Variants in EPHB1 observed in about 807,000 individuals in gnomAD.
The protein encoded by EPHB1 is ephrin type-B receptor 1.
Under a neutral mutation model 94.4 loss-of-function variants are expected in EPHB1, and 30 were observed. The ratio of observed to expected loss-of-function variants is 0.32; its 90% CI spans 0.24 to 0.43. The LOEUF is 0.43. Among genes scored for constraint, EPHB1 ranks in the 20% least tolerant of loss-of-function variants. EPHB1 has a pLI of 1.00. For missense variants in EPHB1, 1,055 were observed against 1,308.3 expected, an observed-to-expected ratio of 0.81 and a Z score of 2.99; for synonymous variants, 522 against 489.1, an observed-to-expected ratio of 1.07 and a Z score of -0.89.
At chr3:135,167,121 C>A in intron 9 of EPHB1, 115 bp downstream of exon 9, 1 of 1,249,762 alleles carries the variant, frequency 8.0e-7, no homozygotes. Flanking sequence ...CAAGTTCTCT[C>A]TCAGCCCCCA....
At chr3:134,912,793 G>A (rs2038481112) in intron 1 of EPHB1, among the ~76,000 whole-genome samples, 3 of 152,332 alleles carry the variant, frequency 2.0e-5, no homozygotes, top group Admixed American at 6.5e-5. Context: ...GTTTGATGCT[G>A]GAGAGGTCTT....
intron 11 of EPHB1, among the ~76,000 whole-genome samples, chr3:135,195,951 A>G (rs1462436209): frequency 7.6e-6 from 1 of 130,902 alleles, no homozygotes. Context: ...AGTCCCACCA[A>G]CAGTGTAAAA....
chr3:135,090,545 C>T (rs1269301670), intron 3 of EPHB1, among the ~76,000 whole-genome samples: 1 of 152,218 alleles, frequency 6.6e-6, no homozygotes, highest in Non-Finnish European at 1.5e-5. Flanking sequence ...CATCCACTAT[C>T]ACTGCAATTT....
intron 1 of EPHB1, among the ~76,000 whole-genome samples, chr3:134,813,223 A>G (rs1361246651): frequency 1.3e-5 from 2 of 152,190 alleles, no homozygotes; most frequent in Admixed American, 6.5e-5. Flanking sequence ...GCAGGAAGCC[A>G]TAATTCACAT....
At chr3:134,861,032 G>A (rs971071519) in intron 1 of EPHB1, among the ~76,000 whole-genome samples, 12 of 152,166 alleles carry the variant, frequency 7.9e-5, no homozygotes, top group Non-Finnish European at 1.5e-4. Flanking sequence ...GATGCAGTGA[G>A]TGGAAGAGTA....
chr3:134,891,201 C>G (rs575442842), intron 1 of EPHB1, among the ~76,000 whole-genome samples: 5 of 152,260 alleles, frequency 3.3e-5, no homozygotes, highest in Admixed American at 1.3e-4. Context: ...CACCTGCCTC[C>G]TAGGCTCAAG....
intron 1 of EPHB1, among the ~76,000 whole-genome samples, chr3:134,919,839 GGGGTGTGTGTGT>G (rs905270455): frequency 7.3e-6 from 1 of 137,006 alleles, no homozygotes; most frequent in African/African-American, 2.7e-5. Flanking sequence ...TCTTAGGGCA[GGGGTGTGTGTGT>G]GTGTGTGTGT....
At chr3:135,258,404 C>T (rs747317459) in intron 15 of EPHB1, among the ~76,000 whole-genome samples, 1 of 152,198 alleles carries the variant, frequency 6.6e-6, no homozygotes, top group Non-Finnish European at 1.5e-5. Flanking sequence ...CACAGGTCAA[C>T]TATAAGCCAT....
At chr3:135,222,463 A>G (rs1228798776) in intron 12 of EPHB1, among the ~76,000 whole-genome samples, 1 of 152,170 alleles carries the variant, frequency 6.6e-6, no homozygotes, top group Non-Finnish European at 1.5e-5. Context: ...TTTTGAAGCA[A>G]ATAGGGGCAC....
chr3:134,892,628 T>A (rs1322720662), intron 1 of EPHB1, among the ~76,000 whole-genome samples: 1 of 152,128 alleles, frequency 6.6e-6, no homozygotes, highest in Non-Finnish European at 1.5e-5. Context: ...GAAAATGGGA[T>A]CTCTCTTGGT....
At chr3:135,228,406 T>C (rs1386082412) in intron 12 of EPHB1, among the ~76,000 whole-genome samples, 1 of 152,174 alleles carries the variant, frequency 6.6e-6, no homozygotes, top group African/African-American at 2.4e-5. Flanking sequence ...CTTTGTGTGA[T>C]GTTAACTTGT....
At chr3:135,141,228 A>T (rs1940816773) in intron 5 of EPHB1, among the ~76,000 whole-genome samples, 1 of 148,796 alleles carries the variant, frequency 6.7e-6, no homozygotes, top group Admixed American at 6.8e-5. Context: ...ACAACAGCCC[A>T]GTCATGCCCC....
At chr3:135,231,015 G>A (rs565917369) in intron 12 of EPHB1, among the ~76,000 whole-genome samples, 1 of 152,264 alleles carries the variant, frequency 6.6e-6, no homozygotes, top group South Asian at 2.1e-4. Flanking sequence ...GTCATGAATA[G>A]CGAGGCGATG....
chr3:135,108,002 C>T (rs1199411402), intron 4 of EPHB1, among the ~76,000 whole-genome samples: 1 of 152,160 alleles, frequency 6.6e-6, no homozygotes, highest in Non-Finnish European at 1.5e-5. Context: ...CTTTAGAAAT[C>T]ACTTAAGGAT....
chr3:134,970,018 G>A (rs55865310), intron 3 of EPHB1, among the ~76,000 whole-genome samples: 2,405 of 152,234 alleles, frequency 0.016, 38 homozygotes, highest in Non-Finnish European at 0.024. Context: ...TCCTTTTGTC[G>A]AATATGTGAT....
chr3:134,819,603 T>A (rs1340680626), intron 1 of EPHB1, among the ~76,000 whole-genome samples: 3 of 152,220 alleles, frequency 2.0e-5, no homozygotes, highest in African/African-American at 7.2e-5. Context: ...CCCTTCTCTG[T>A]GCCTCTTCTC....
chr3:135,056,757 G>C (rs1358343105), intron 3 of EPHB1, among the ~76,000 whole-genome samples: 1 of 152,248 alleles, frequency 6.6e-6, no homozygotes, highest in Non-Finnish European at 1.5e-5. Flanking sequence ...AGCCCTCGCA[G>C]ACGAGACAGG....
chr3:135,212,456 G>A (rs988987402), intron 12 of EPHB1, among the ~76,000 whole-genome samples: 2 of 152,104 alleles, frequency 1.3e-5, no homozygotes, highest in Non-Finnish European at 2.9e-5. Context: ...GGTTTAGCAG[G>A]AAATTAACTT....
intron 12 of EPHB1, among the ~76,000 whole-genome samples, chr3:135,216,361 C>G (rs574753144): frequency 6.6e-6 from 1 of 152,072 alleles, no homozygotes; most frequent in Non-Finnish European, 1.5e-5. Context: ...AAGCAAAAAC[C>G]TATCAAATCA....
Sources: allele counts gnomAD v4.1 joint callset (sites outside exome capture counted in the v4.1 genomes callset), GRCh38; gene constraint gnomAD v4.1.1; transcripts MANE v1.5; gene names NCBI Gene and HGNC (gene_info 2026-07-23, HGNC 2026-07-21).